Variants in POM121 observed in about 807,000 individuals in gnomAD.
POM121 encodes the protein nuclear envelope pore membrane protein POM 121.
A neutral mutation model predicts 81.3 loss-of-function variants in POM121; 32 were observed. The observed-to-expected ratio is 0.39, with a 90% CI of 0.30 to 0.53. The LOEUF (loss-of-function observed/expected upper bound fraction) is 0.53, where lower values mean the gene tolerates loss of function less well. Ranked by LOEUF, POM121 falls within the 20% of genes least tolerant of loss-of-function variation. POM121 has a pLI of 0.66. For synonymous variants in POM121, 514 were observed against 694.2 expected (o/e 0.74, Z 4.08); for missense variants, 1,138 against 1,614.6 (o/e 0.70, Z 5.06).
In POM121 at chr7:72,948,031, A is replaced by G. The variant is rs1166850190; in HGVS notation, c.*1797A>G. 4.5e-5 allele frequency: 54 copies of G among 1,196,308 alleles called. 1 individual carries two copies. The highest frequency in any genetic ancestry group is 5.5e-5 in the Non-Finnish European group (53 of 956,148). The allele number at this position is 1,196,308 out of a possible 1,614,324, so 74.1% of individuals were successfully genotyped here. ...GCCTGGGCCTAGCAATCAAGCTTCT[A>G]CCTGTACCTTATGTAAGGTAGACCC... On this transcript the variant is annotated 3_prime_UTR_variant, in exon 13 of 13. Transcript: ENST00000434423.
intron 3 of POM121, among the ~76,000 whole-genome samples, chr7:72,896,440 AG>A (rs1554491736): frequency 6.8e-6 from 1 of 146,546 alleles, no homozygotes; most frequent in Non-Finnish European, 1.5e-5. Context: ...GGGCTGTGAT[AG>A]TGCCACTGCA....
chr7:72,944,445 C>T (rs1797457197), intron 11 of POM121, among the ~76,000 whole-genome samples: 1 of 151,870 alleles, frequency 6.6e-6, no homozygotes, highest in African/African-American at 2.4e-5. Flanking sequence ...TCATTTTGGA[C>T]AGTGGGGGAA....
rs1353716919 is a variant in POM121 at position 72,893,425 on chromosome 7, T to C, written c.-216+2315T>C. On this transcript the variant is annotated intron_variant, in intron 3 of 15. Transcript: ENST00000395270. ...GGTGAAACCCCGTCTCTACTAAAAATACAAAAAAATTAGCCGGGCGTGGTG... is the reference window on the plus strand; with the variant it reads ...GGTGAAACCCCGTCTCTACTAAAAACACAAAAAAATTAGCCGGGCGTGGTG... Among the ~76,000 whole-genome samples the C allele has an allele frequency of 9.9e-5, 15 of 151,750 alleles. No individual in the cohort carries two copies. In the East Asian group the frequency reaches 3.0e-3, roughly 30 times the overall value.
intron 3 of POM121, among the ~76,000 whole-genome samples, chr7:72,927,535 C>T (rs1795581573): frequency 6.6e-6 from 1 of 152,050 alleles, no homozygotes. Context: ...CATGGTGAAA[C>T]CCCATCTCTA....
chr7:72,909,132 CT>C (rs1793564089), intron 3 of POM121, among the ~76,000 whole-genome samples: 1 of 152,174 alleles, frequency 6.6e-6, no homozygotes, highest in South Asian at 2.1e-4. Context: ...TCTATGAAAT[CT>C]TCACAATTTA....
Position 72,926,344 on chromosome 7 carries a change from G to C in POM121, c.727G>C (p.Gly243Arg). The C allele has an allele frequency of 6.2e-7, 1 of 1,613,140 alleles. No homozygotes were observed. Among genetic ancestry groups the C allele is most frequent in the Non-Finnish European group, 8.5e-7 (1 of 1,179,502 alleles). ...CCATCAGGCCCAGTATTCCTGTCTG[G>C]GGGTACTTCCCACCGTGTGCTGGAA... ...PIHQAQYSCL[G>R]VLPTVCWNGY... The change falls in exon 2 of 13, where the codon GGG becomes CGG. Residue 243 changes from glycine to arginine, a missense_variant. Gly to Arg is a moderately radical substitution (Grantham distance 125, BLOSUM62 -2). This residue lies in a region of POM121 where 646 missense variants were observed against 633.5 expected (regional missense o/e 1.02). Transcript: ENST00000434423.
rs1795863704 is a variant in POM121 at position 72,930,089 on chromosome 7, G to A, written c.1253G>A (p.Ser418Asn). ...CGCAATGCCATTACCAGTTCCTACAGCTCCACTCGAGGCATCTCACAGGTA... is the reference window on the plus strand; with the variant it reads ...CGCAATGCCATTACCAGTTCCTACAACTCCACTCGAGGCATCTCACAGGTA... ...SSRNAITSSY[S>N]STRGISQLWK... is the part of the protein sequence containing the mutation. Residue 418 changes from serine (S) to asparagine (N), a missense_variant, in exon 5 of 13, where the codon AGC becomes AAC. This residue lies in a region of POM121 where 646 missense variants were observed against 633.5 expected (regional missense o/e 1.02). Coordinates refer to ENST00000434423, the MANE Select transcript of POM121 (RefSeq NM_001387691.1). The A allele has an allele frequency of 1.2e-6, 2 of 1,612,670 alleles. No individual in the cohort carries two copies. Among genetic ancestry groups the A allele is most frequent in the African/African-American group, 1.3e-5 (1 of 74,972 alleles).
rs1304577485 is a variant in POM121 at position 72,886,999 on chromosome 7, T to C, written c.-520-3628T>C. Among the ~76,000 whole-genome samples the C allele has an allele frequency of 3.3e-5, 5 of 152,104 alleles. No individual in the cohort carries two copies. In the East Asian group the frequency reaches 9.6e-4, roughly 29 times the overall value. On this transcript the variant is annotated intron_variant, in intron 1 of 15. Transcript: ENST00000395270. ...TCAAGTACCCGCCACCTCCCCTCCA[T>C]TGATTCTTGTTGCCTGTATATTAGG...
Position 72,939,922 on chromosome 7 carries a change from G to A in POM121, c.1517G>A (p.Arg506Gln), listed in dbSNP as rs370835926. 4 of 1,607,856 alleles carry A rather than the reference G, an allele frequency of 2.5e-6. No individual in the cohort carries two copies. In the African/African-American group the frequency reaches 4.0e-5, roughly 16 times the overall value. Residue 506 changes from arginine (R) to glutamine (Q), a missense_variant, in exon 8 of 13, where the codon CGG becomes CAG. Transcript: ENST00000434423. ...CCTGGCAGCTCTGGGCAGCGTAAGC[G>A]GAAAGTTCAGCTGCTGCCTTCTCGG... ...STPGSSGQRK[R>Q]KVQLLPSRRG...
At chr7:72,922,322 T>C (rs1794887122), upstream of POM121, among the ~76,000 whole-genome samples, 1 of 152,238 alleles carries the variant, frequency 6.6e-6, no homozygotes, top group Admixed American at 6.5e-5. Context: ...TTATATGTAT[T>C]AGAGTTGTTT....
At position 72,933,627 on chromosome 7, in the gene POM121, C is replaced by T. The variant is rs1796235808; in HGVS notation, c.1275+3516C>T. ...CCTCACGCGTTGCTGGTGGGAGTGT[C>T]AGTTGGTACAGCTCTCTAGAGGGCT... On this transcript the variant is annotated intron_variant, in intron 5 of 12. Coordinates refer to ENST00000434423, the MANE Select transcript of POM121 (RefSeq NM_001387691.1). Among the ~76,000 whole-genome samples the T allele has an allele frequency of 2.0e-5, 3 of 152,190 alleles. No individual in the cohort carries two copies. In the South Asian group the frequency reaches 6.2e-4, roughly 31 times the overall value.
Position 72,879,886 on chromosome 7 carries a change from G to T in POM121, c.-521+1G>T. 1.9e-6 allele frequency: 1 copy of T among 513,602 alleles called. No individual in the cohort carries two copies. Among genetic ancestry groups the T allele is most frequent in the Non-Finnish European group, 3.9e-6 (1 of 258,262 alleles). 31.8% of individuals were successfully genotyped at this position (513,602 alleles called of 1,614,324 possible). A position where few individuals can be genotyped will look rare whatever the true frequency, so the allele number is the denominator to read the frequency against. The stretch of plus-strand genomic sequence containing the variant: ...GCAGAGGCTGCAGAGCCCCAGGAGG[G>T]TAAGTCTTGGGTTTTCGGGCCCGGA... On this transcript the variant is annotated splice_donor_variant, in intron 1 of 15. Transcript: ENST00000395270. LOFTEE classifies it low-confidence loss of function (5UTR_SPLICE).
chr7:72,931,587 T>C (rs1796025100), intron 5 of POM121, among the ~76,000 whole-genome samples: 1 of 152,050 alleles, frequency 6.6e-6, no homozygotes, highest in South Asian at 2.1e-4. Context: ...TTTTTTTTTT[T>C]TTGCCGGAGT....
intron 4 of POM121, among the ~76,000 whole-genome samples, chr7:72,929,639 C>T (rs1795821409): frequency 6.6e-6 from 1 of 152,188 alleles, no homozygotes; most frequent in African/African-American, 2.4e-5. Context: ...TCCCACATGC[C>T]TGTAATCCCT....
In POM121 at chr7:72,903,345, A is replaced by AGG. The variant is rs570901702; in HGVS notation, c.-215-10419_-215-10418dup. 2.2e-3 allele frequency among the ~76,000 whole-genome samples: 336 copies of AGG among 152,316 alleles called. 2 individuals carry two copies. Among genetic ancestry groups the AGG allele is most frequent in the Middle Eastern group, 3.4e-3 (1 of 294 alleles). On this transcript the variant is annotated intron_variant, in intron 3 of 15. Transcript: ENST00000395270. ...CCAGCTATTTGGGAGGTTAAGGAAG[A>AGG]GGAACTGCTTGAACCAGGGAGGTAG...
intron 3 of POM121, among the ~76,000 whole-genome samples, chr7:72,898,089 G>A (rs1356611937): frequency 1.3e-5 from 2 of 152,164 alleles, no homozygotes; most frequent in Non-Finnish European, 2.9e-5. Context: ...GAGAAAGAGA[G>A]GAGTCAAGGA....
intron 4 of POM121, among the ~76,000 whole-genome samples, chr7:72,918,180 C>G (rs1308390935): frequency 6.6e-6 from 1 of 152,146 alleles, no homozygotes; most frequent in Admixed American, 6.5e-5. Flanking sequence ...TGCGGGCAAG[C>G]CTGACTGATG....
chr7:72,906,144 T>G (rs1563142175), intron 3 of POM121, among the ~76,000 whole-genome samples: 2 of 152,220 alleles, frequency 1.3e-5, no homozygotes, highest in Non-Finnish European at 2.9e-5. Context: ...GCCAGCCACC[T>G]AACATCGATT....
Position 72,946,728 on chromosome 7 carries a change from A to T in POM121, c.*494A>T. ...TCTCTTCCTCTGGTCCCTTCTGGGG[A>T]CTCTGTTTCCCCATTTCTTGCTGCT... On this transcript the variant is annotated 3_prime_UTR_variant, in exon 13 of 13. Coordinates refer to ENST00000434423, the MANE Select transcript of POM121 (RefSeq NM_001387691.1). 1.0e-6 allele frequency: 1 copy of T among 955,660 alleles called. No individual in the cohort carries two copies. Among genetic ancestry groups the T allele is most frequent in the Non-Finnish European group, 1.2e-6 (1 of 813,912 alleles). 59.2% of individuals were successfully genotyped at this position (955,660 alleles called of 1,614,324 possible).
Sources: allele counts gnomAD v4.1 joint callset (sites outside exome capture counted in the v4.1 genomes callset), GRCh38; gene constraint gnomAD v4.1.1; regional missense constraint gnomAD v4.1.1; transcripts MANE v1.5; gene names NCBI Gene and HGNC (gene_info 2026-07-23, HGNC 2026-07-21).